The following ZSCAN21 variants were observed in gnomAD, a reference collection of about 807,000 sequenced individuals.
ZSCAN21 encodes the protein zinc finger and SCAN domain containing 21.
A neutral mutation model predicts 35.6 loss-of-function variants in ZSCAN21; 26 were observed. The observed-to-expected ratio is 0.73, with a 90% confidence interval of 0.54 to 1.01. ZSCAN21 has a LOEUF of 1.01. Among genes scored for constraint, ZSCAN21 ranks in the 50% least tolerant of loss-of-function variants. The pLI is 0.00. For synonymous variants in ZSCAN21, 219 were observed against 219.3 expected (o/e 1.00, Z 0.01); for missense variants, 593 against 587.1 (o/e 1.01, Z -0.10).
chr7:100,053,771 T>C (rs929843328), intron 1 of ZSCAN21, among the ~76,000 whole-genome samples: 1 of 151,932 alleles, frequency 6.6e-6, no homozygotes, highest in Non-Finnish European at 1.5e-5. Flanking sequence ...ACTATATTTT[T>C]TTAGGTTTAA....
At chr7:100,050,494 G>A (rs994951062) in intron 1 of ZSCAN21, among the ~76,000 whole-genome samples, 4 of 152,072 alleles carry the variant, frequency 2.6e-5, no homozygotes, top group African/African-American at 9.7e-5. Flanking sequence ...ATCACTTGAG[G>A]TCAGGAGTTC....
intron 3 of ZSCAN21, among the ~76,000 whole-genome samples, chr7:100,063,486 C>A (rs530618273): frequency 6.6e-6 from 1 of 152,170 alleles, no homozygotes; most frequent in South Asian, 2.1e-4. Context: ...CCTGTAATTC[C>A]AGCTACTCTG....
Position 100,057,023 on chromosome 7 carries a change from TAGGCATGGCCCCAGTTCTGGGCC to T in ZSCAN21, c.18_40del (p.Gly7Ter). ...GGAGTTTACATGATGACCAAGGTAC[TAGGCATGGCCCCAGTTCTGGGCC>T]CTAGGCCTCCACAGGAGCAGGTGGG... is the stretch of plus-strand genomic sequence containing the variant. On this transcript the variant is annotated frameshift_variant, in exon 2 of 4. Transcript: ENST00000292450. LOFTEE classifies it high-confidence loss of function. 1 of 1,610,514 alleles carries T rather than the reference TAGGCATGGCCCCAGTTCTGGGCC, an allele frequency of 6.2e-7. No homozygotes were observed. The highest frequency in any genetic ancestry group is 8.5e-7 in the Non-Finnish European group (1 of 1,178,320).
intron 3 of ZSCAN21, among the ~76,000 whole-genome samples, chr7:100,062,520 G>T (rs1792363725): frequency 6.6e-6 from 1 of 150,690 alleles, no homozygotes; most frequent in Non-Finnish European, 1.5e-5. Flanking sequence ...GCTTGAACCT[G>T]GGAGGCAGAG....
chr7:100,053,546 A>ATACATACATACATAATT (rs755978112), intron 1 of ZSCAN21, among the ~76,000 whole-genome samples: 8 of 79,486 alleles, frequency 1.0e-4, no homozygotes, highest in African/African-American at 1.7e-4. Context: ...TACATACATA[A>ATACATACATACATAATT]TTTTTTTTTT....
At chr7:100,052,549 T>C (rs1226267825) in intron 1 of ZSCAN21, among the ~76,000 whole-genome samples, 2 of 152,074 alleles carry the variant, frequency 1.3e-5, no homozygotes. Flanking sequence ...GAGCAGCTTT[T>C]GAGGGAGAGA....
intron 1 of ZSCAN21, among the ~76,000 whole-genome samples, chr7:100,054,957 CTTTTT>C (rs10596959): frequency 1.5e-5 from 2 of 132,414 alleles, no homozygotes; most frequent in South Asian, 2.4e-4. Context: ...TATGATCTCT[CTTTTT>C]TTTTTTTTTT....
chr7:100,053,009 C>G (rs1440730624), intron 1 of ZSCAN21, among the ~76,000 whole-genome samples: 1 of 151,746 alleles, frequency 6.6e-6, no homozygotes, highest in Non-Finnish European at 1.5e-5. Context: ...ACCTGTAATC[C>G]CACCTACTCA....
chr7:100,054,607 G>A (rs182549471), intron 1 of ZSCAN21, among the ~76,000 whole-genome samples: 3 of 151,630 alleles, frequency 2.0e-5, no homozygotes, highest in Admixed American at 6.6e-5. Context: ...ATTTTTTTCC[G>A]TGCCTTACAG....
intron 1 of ZSCAN21, among the ~76,000 whole-genome samples, chr7:100,056,574 C>T (rs1762345225): frequency 1.3e-5 from 2 of 152,022 alleles, no homozygotes; most frequent in South Asian, 2.1e-4. Flanking sequence ...AAGCAATTCT[C>T]CTGCCTCAGC....
chr7:100,059,680 G>A (rs945332264), intron 3 of ZSCAN21, among the ~76,000 whole-genome samples: 6 of 151,314 alleles, frequency 4.0e-5, no homozygotes, highest in Non-Finnish European at 8.8e-5. Context: ...AGCCTCCCGA[G>A]TAGCTGGAAC....
At position 100,057,251 on chromosome 7, in the gene ZSCAN21, A is replaced by G. The variant is rs751092471; in HGVS notation, c.245A>G (p.Glu82Gly). Residue 82 changes from glutamate (E) to glycine (G), a missense_variant, in exon 2 of 4, where the codon GAG (glutamate) becomes GGG (glycine). Transcript: ENST00000292450. ...CTGAGGCCCGAGATCCACACCAAGG[A>G]GCAGATCCTGGAGCTACTGGTGCTG... ...EWLRPEIHTK[E>G]QILELLVLEQ... 6 of 1,613,696 alleles carry G rather than the reference A, an allele frequency of 3.7e-6. No individual in the cohort carries two copies. Among genetic ancestry groups the G allele is most frequent in the South Asian group, 2.2e-5 (2 of 91,052 alleles).
At position 100,057,715 on chromosome 7, in the gene ZSCAN21, C is replaced by G; in HGVS notation, c.417C>G (p.Asn139Lys). 6.2e-7 allele frequency: 1 copy of G among 1,611,362 alleles called. No individual in the cohort carries two copies. Among genetic ancestry groups the G allele is most frequent in the Non-Finnish European group, 8.5e-7 (1 of 1,178,756 alleles). ...GTCTCTAGGTCTCAACTCCTCCAAACGAACAGAAACCGGTGTGGGAGAAGA... is the reference window on the plus strand; with the variant it reads ...GTCTCTAGGTCTCAACTCCTCCAAAGGAACAGAAACCGGTGTGGGAGAAGA... ...EPGHQVSTPP[N>K]EQKPVWEKIS... Residue 139 changes from asparagine to lysine, a missense_variant, in exon 3 of 4, where the codon AAC becomes AAG. Transcript: ENST00000292450.
rs761856064 is a variant in ZSCAN21, at chr7:100,057,769, C to G, written c.471C>G (p.Ser157=). Reference sequence around the variant, plus strand: ...CCTCCTCAGGAACTGCAAAGGAATCCCCGAGCAGCATGCAGCCACAGCCCT... The same window carrying G: ...CCTCCTCAGGAACTGCAAAGGAATCGCCGAGCAGCATGCAGCCACAGCCCT... The part of the protein sequence containing the change: ...KISSSGTAKE[S]PSSMQPQPLE... Residue 157 remains serine, a synonymous_variant, in exon 3 of 4, where the codon TCC becomes TCG. Coordinates refer to ENST00000292450, the MANE Select transcript of ZSCAN21 (RefSeq NM_145914.3). 2 of 1,614,028 alleles carry G rather than the reference C, an allele frequency of 1.2e-6. No homozygotes were observed. The highest frequency in any genetic ancestry group is 1.7e-6 in the Non-Finnish European group (2 of 1,180,006).
chr7:100,062,850 G>A (rs1239377721), intron 3 of ZSCAN21, among the ~76,000 whole-genome samples: 1 of 152,034 alleles, frequency 6.6e-6, no homozygotes, highest in African/African-American at 2.4e-5. Flanking sequence ...CTCCAGCCTG[G>A]GCAACAGAAT....
Position 100,064,957 on chromosome 7 carries a change from A to G in ZSCAN21, c.*340A>G, listed in dbSNP as rs368050388. 8 of 1,605,252 alleles carry G rather than the reference A, an allele frequency of 5.0e-6. No individual in the cohort carries two copies. The highest frequency in any genetic ancestry group is 1.7e-4 in the Middle Eastern group (1 of 6,050). On this transcript the variant is annotated 3_prime_UTR_variant, in exon 4 of 4. Transcript: ENST00000292450. ...TAAGATTGTTTAATTTTTAACATAT[A>G]TTCAAGAATTTTAATTTGTAAAGAA...
intron 1 of ZSCAN21, among the ~76,000 whole-genome samples, chr7:100,054,699 CGT>C (rs1046220082): frequency 6.6e-6 from 1 of 150,868 alleles, no homozygotes; most frequent in African/African-American, 2.4e-5. Context: ...TTTGGTGGAG[CGT>C]GGTGGTGCGT....
At chr7:100,057,435 G>A in intron 2 of ZSCAN21, 30 bp downstream of exon 2, 1 of 1,512,642 alleles carries the variant, frequency 6.6e-7, no homozygotes, top group Non-Finnish European at 8.8e-7. Context: ...GTTATTCTAG[G>A]AGATTGGGAG....
chr7:100,063,447 C>A (rs1021409004), intron 3 of ZSCAN21, among the ~76,000 whole-genome samples: 2 of 151,992 alleles, frequency 1.3e-5, no homozygotes, highest in South Asian at 4.1e-4. Context: ...AAAAAAAATA[C>A]AAAAAATAGC....
Sources: gnomAD v4.1 joint callset for allele counts (sites outside exome capture counted in the v4.1 genomes callset) on GRCh38, gnomAD v4.1.1 for gene constraint, MANE v1.5 for transcripts, NCBI Gene and HGNC (gene_info 2026-07-23, HGNC 2026-07-21) for gene names.